Variants in APOL6 observed in about 807,000 individuals in gnomAD.
The protein encoded by APOL6 is apolipoprotein L6, also known as apolipoprotein L, 6.
In APOL6, 1 loss-of-function variant was observed where a neutral mutation model predicts 2.4. That is an observed-to-expected ratio of 0.41 (90% confidence interval 0.15 to 1.94). APOL6 has a LOEUF of 1.94. Ranked by LOEUF, APOL6 falls within the 30% of genes most tolerant of loss-of-function variation. The pLI is 0.30. For missense variants in APOL6, 438 were observed against 429.2 expected, an observed-to-expected ratio of 1.02 and a Z score of -0.18; for synonymous variants, 189 against 169.3, an observed-to-expected ratio of 1.12 and a Z score of -0.90.
At chr22:35,658,541 A>C in intron 2 of APOL6, 74 bp from the exon 3 acceptor site, 5 of 1,331,308 alleles carry the variant, frequency 3.8e-6, no homozygotes, top group Non-Finnish European at 5.1e-6. Context: ...TGAGAGTGGC[A>C]AGAATATCCA....
intron 1 of APOL6, among the ~76,000 whole-genome samples, chr22:35,653,577 C>T (rs949187727): frequency 1.3e-5 from 2 of 152,064 alleles, no homozygotes; most frequent in African/African-American, 4.8e-5. Flanking sequence ...GTGGCAAGGA[C>T]CTTCTTGCTG....
At chr22:35,657,475 A>T (rs1924875757) in intron 2 of APOL6, among the ~76,000 whole-genome samples, 1 of 152,154 alleles carries the variant, frequency 6.6e-6, no homozygotes, top group South Asian at 2.1e-4. Context: ...GGAAAGAGAG[A>T]TTTAAAGATA....
intron 1 of APOL6, among the ~76,000 whole-genome samples, chr22:35,650,511 T>G (rs1327889073): frequency 6.6e-6 from 1 of 152,204 alleles, no homozygotes; most frequent in Non-Finnish European, 1.5e-5. Context: ...ATGAACAGCA[T>G]GCATTTCCAT....
Position 35,666,111 on chromosome 22 carries a change from A to C in APOL6, c.*6515A>C, listed in dbSNP as rs1302834962. On this transcript the variant is annotated 3_prime_UTR_variant, in exon 3 of 3. Transcript: ENST00000409652. The stretch of plus-strand genomic sequence containing the variant: ...GTGAAACTCCTATAATTCTAATATA[A>C]CTTAGTGTACATTATCAGTAATAAT... 1 of 152,128 alleles carries C rather than the reference A, an allele frequency of 6.6e-6. No individual in the cohort carries two copies. Among genetic ancestry groups the C allele is most frequent in the Admixed American group, 6.5e-5 (1 of 15,270 alleles). The allele number at this position is 152,128 out of a possible 1,614,324, so 9.4% of individuals were successfully genotyped here.
At chr22:35,649,393 G>A (rs561739895) in intron 1 of APOL6, among the ~76,000 whole-genome samples, 141 of 148,908 alleles carry the variant, frequency 9.5e-4, no homozygotes, top group Non-Finnish European at 2.5e-4. Context: ...AGCAGTGATC[G>A]CACCACTGCA....
chr22:35,658,682 A>C lies in APOL6; in HGVS notation c.118A>C (p.Lys40Gln), dbSNP rs1175010135. Residue 40 changes from lysine (K) to glutamine (Q), a missense_variant, in exon 3 of 3, where the codon AAA (lysine) becomes CAA (glutamine). Physicochemically the swap from Lys to Gln is moderately conservative, Grantham distance 53. Transcript: ENST00000409652. ...AGACGGAGATCTGTCCCCCGAAGAA[A>C]AAATATTTTTGAGAGAATTTCCCAG... ...LQDGDLSPEE[K>Q]IFLREFPRLK... 1 of 1,614,170 alleles carries C rather than the reference A, an allele frequency of 6.2e-7. No homozygotes were observed. The highest frequency in any genetic ancestry group is 1.1e-5 in the South Asian group (1 of 91,086).
At position 35,658,843 on chromosome 22, in the gene APOL6, C is replaced by T. The variant is rs755331472; in HGVS notation, c.279C>T (p.Leu93=). The change falls in exon 3 of 3, where the codon CTC becomes CTT. Residue 93 remains leucine (L), a synonymous_variant. Transcript: ENST00000409652. ...STAVISGVMS[L]LGLALAPATG... is the part of the protein sequence containing the mutation. ...CTGTCATCTCTGGAGTGATGAGCCT[C>T]CTGGGTTTAGCCCTTGCCCCAGCAA... 1 of 1,614,152 alleles carries T rather than the reference C, an allele frequency of 6.2e-7. No homozygotes were observed. The highest frequency in any genetic ancestry group is 8.5e-7 in the Non-Finnish European group (1 of 1,180,026).
chr22:35,653,244 T>C (rs1348540356), intron 1 of APOL6, among the ~76,000 whole-genome samples: 1 of 152,238 alleles, frequency 6.6e-6, no homozygotes, highest in African/African-American at 2.4e-5. Context: ...TGCACATTGA[T>C]TTTGTATCCC....
At chr22:35,656,908 GTGCAAGTAACA>G (rs754968250) in intron 2 of APOL6, among the ~76,000 whole-genome samples, 37 of 152,328 alleles carry the variant, frequency 2.4e-4, no homozygotes, top group Non-Finnish European at 5.3e-4. Context: ...TGCACAATGT[GTGCAAGTAACA>G]AATATTTGCT....
intron 1 of APOL6, among the ~76,000 whole-genome samples, chr22:35,651,099 G>A (rs912325539): frequency 3.9e-5 from 6 of 152,110 alleles, no homozygotes; most frequent in Non-Finnish European, 5.9e-5. Context: ...TGCCGTAAGC[G>A]CTGGACCAAG....
chr22:35,659,287 C>T lies in APOL6; in HGVS notation c.723C>T (p.Ser241=), dbSNP rs573758358. The T allele has an allele frequency of 4.5e-5, 73 of 1,614,132 alleles. 1 individual carries two copies. The highest frequency in any genetic ancestry group is 2.9e-4 in the South Asian group (26 of 91,080). Residue 241 remains serine, a synonymous_variant, in exon 3 of 3, where the codon TCC becomes TCT. Transcript: ENST00000409652. Reference sequence around the variant, plus strand: ...CTCGCGTGCTGGGAGGTGTGATGTCCGCCTTCTCCCTTGGCTATGACTTGG... The same window carrying T: ...CTCGCGTGCTGGGAGGTGTGATGTCTGCCTTCTCCCTTGGCTATGACTTGG... ...KNARVLGGVM[S]AFSLGYDLAT...
At position 35,663,568 on chromosome 22, in the gene APOL6, C is replaced by G. The variant is rs559523349; in HGVS notation, c.*3972C>G. 1 of 149,960 alleles carries G rather than the reference C, an allele frequency of 6.7e-6. No individual in the cohort carries two copies. The highest frequency in any genetic ancestry group is 2.1e-4 in the South Asian group (1 of 4,768). The allele number at this position is 149,960 out of a possible 1,614,324, so 9.3% of individuals were successfully genotyped here. On this transcript the variant is annotated 3_prime_UTR_variant, in exon 3 of 3. Transcript: ENST00000409652. ...TCAGTTGACTGAATTCTGTTTTCAC[C>G]GGATTTTTTGACTAAAATAGCTATT... is the stretch of plus-strand genomic sequence containing the variant.
intron 2 of APOL6, among the ~76,000 whole-genome samples, chr22:35,657,958 G>A (rs1924891290): frequency 6.6e-6 from 1 of 152,112 alleles, no homozygotes. Context: ...CTTCCATGAA[G>A]GACTAATCCC....
chr22:35,658,193 C>G (rs1924898794), intron 2 of APOL6, among the ~76,000 whole-genome samples: 1 of 152,110 alleles, frequency 6.6e-6, no homozygotes, highest in African/African-American at 2.4e-5. Context: ...CCCTGCCCAC[C>G]ACCTTGTCTT....
In APOL6 at chr22:35,668,282, C is replaced by T. The variant is rs1925247771; in HGVS notation, c.*8686C>T. On this transcript the variant is annotated 3_prime_UTR_variant, in exon 3 of 3. Coordinates refer to ENST00000409652, the MANE Select transcript of APOL6 (RefSeq NM_030641.4). ...GTATTTGATTGATCTCTCATGTCTC[C>T]CTAAAATGTATAAAACCACGCTGTT... 1 of 152,136 alleles carries T rather than the reference C, an allele frequency of 6.6e-6. No individual in the cohort carries two copies. The highest frequency in any genetic ancestry group is 6.5e-5 in the Admixed American group (1 of 15,280). 9.4% of individuals were successfully genotyped at this position (152,136 alleles called of 1,614,324 possible). A position where few individuals can be genotyped will look rare whatever the true frequency, so the allele number is the denominator to read the frequency against.
chr22:35,662,515 C>T lies in APOL6; in HGVS notation c.*2919C>T, dbSNP rs1489538450. On this transcript the variant is annotated 3_prime_UTR_variant, in exon 3 of 3. Transcript: ENST00000409652. The stretch of plus-strand genomic sequence containing the variant: ...CAAAAGAATGCAACTGTTTGTGTCT[C>T]ACCTATCTGTGACCTGGAAGCTCCC... 4 of 152,218 alleles carry T rather than the reference C, an allele frequency of 2.6e-5. No homozygotes were observed. The highest frequency in any genetic ancestry group is 7.2e-5 in the African/African-American group (3 of 41,434). 9.4% of individuals were successfully genotyped at this position (152,218 alleles called of 1,614,324 possible). A position where few individuals can be genotyped will look rare whatever the true frequency, so the allele number is the denominator to read the frequency against.
rs758262301 is a variant in APOL6 at position 35,659,202 on chromosome 22, G to A, written c.638G>A (p.Arg213Gln). 22 of 1,614,042 alleles carry A rather than the reference G, an allele frequency of 1.4e-5. No individual in the cohort carries two copies. The highest frequency in any genetic ancestry group is 6.7e-5 in the Admixed American group (4 of 60,010). The change falls in exon 3 of 3, where the codon CGG becomes CAG. Residue 213 changes from arginine to glutamine, a missense_variant. Coordinates refer to ENST00000409652, the MANE Select transcript of APOL6 (RefSeq NM_030641.4). ...RLLTTGQVSS[R>Q]SRVQVQKAFA... ...CTGACCACTGGCCAAGTCTCCTCCC[G>A]GAGCCGCGTGCAGGTGCAAAAGGCC... is the stretch of plus-strand genomic sequence containing the variant.
At chr22:35,655,256 C>T (rs1036884337) in intron 1 of APOL6, among the ~76,000 whole-genome samples, 3 of 152,150 alleles carry the variant, frequency 2.0e-5, no homozygotes, top group African/African-American at 7.2e-5. Flanking sequence ...TCTTGGGTTA[C>T]AAGGATCCTA....
At chr22:35,651,562 A>C in intron 1 of APOL6, among the ~76,000 whole-genome samples, 1 of 149,198 alleles carries the variant, frequency 6.7e-6, no homozygotes, top group African/African-American at 2.5e-5. Flanking sequence ...CCCACCCCAC[A>C]ACAGGCCCCG....
Sources: gnomAD v4.1 joint callset for allele counts (sites outside exome capture counted in the v4.1 genomes callset) on GRCh38, gnomAD v4.1.1 for gene constraint, MANE v1.5 for transcripts, NCBI Gene and HGNC (gene_info 2026-07-23, HGNC 2026-07-21) for gene names.